The following PKD1L3 variants were observed in gnomAD, a reference collection of about 807,000 sequenced individuals.
PKD1L3 encodes polycystin 1 like 3, transient receptor potential channel interacting, also known as polycystin-1-like protein 3.
A neutral mutation model predicts 184.1 loss-of-function variants in PKD1L3; 239 were observed. The ratio of observed to expected loss-of-function variants is 1.30; its 90% CI spans 1.17 to 1.45. The LOEUF (loss-of-function observed/expected upper bound fraction) is 1.45, where lower values mean the gene tolerates loss of function less well. PKD1L3 is among the 40% of genes most tolerant of loss of function. The pLI, the probability that PKD1L3 is intolerant of heterozygous loss-of-function variation, is 0.00. For synonymous variants in PKD1L3, 996 were observed against 778.8 expected (o/e 1.28, Z -4.64); for missense variants, 2,660 against 2,067.2 (o/e 1.29, Z -5.56).
intron 9 of PKD1L3, 147 bp downstream of exon 9, chr16:71,979,639 G>A: frequency 1.0e-6 from 1 of 967,662 alleles, no homozygotes; most frequent in Non-Finnish European, 1.4e-6. Context: ...ATCCCTGCCA[G>A]TGTAAAATAA....
intron 24 of PKD1L3, among the ~76,000 whole-genome samples, chr16:71,938,041 C>G (rs776970317): frequency 1.1e-4 from 17 of 152,202 alleles, no homozygotes; most frequent in Non-Finnish European, 2.2e-4. Flanking sequence ...GCCCTGCCCC[C>G]TTCTGAGTTG....
At chr16:71,950,850 A>C (rs1435347217) in intron 19 of PKD1L3, among the ~76,000 whole-genome samples, 3 of 150,126 alleles carry the variant, frequency 2.0e-5, no homozygotes, top group African/African-American at 7.4e-5. Context: ...CTCCTGCCTC[A>C]GCCTCTCTAG....
chr16:71,990,436 T>C, intron 3 of PKD1L3, 107 bp from the exon 4 acceptor site: 1 of 997,530 alleles, frequency 1.0e-6, no homozygotes, highest in Non-Finnish European at 1.5e-6. Flanking sequence ...CAAATTGTTT[T>C]ACATAGAAAA....
At chr16:71,960,377 G>A (rs1371208992) in intron 16 of PKD1L3, among the ~76,000 whole-genome samples, 2 of 152,082 alleles carry the variant, frequency 1.3e-5, no homozygotes, top group Non-Finnish European at 2.9e-5. Flanking sequence ...CCAGTTATAT[G>A]TTGCTTGCAA....
intron 19 of PKD1L3, 101 bp downstream of exon 19, chr16:71,951,463 T>C: frequency 8.3e-7 from 1 of 1,206,216 alleles, no homozygotes; most frequent in Non-Finnish European, 1.1e-6. Flanking sequence ...ACCAGAAGGT[T>C]GTATCAGGCC....
rs1403469133 is a variant in PKD1L3, at chr16:71,949,862, C to A, written c.3539G>T (p.Ser1180Ile). The A allele has an allele frequency of 2.6e-6, 4 of 1,551,436 alleles. No homozygotes were observed. The African/African-American group carries it at 5.5e-5, about 21-fold the overall frequency. ...CATCCAGCTGGTGGCTTGGTCTTTGCTCAATTCCAAGCTATAAAGTGCTGT... is the reference window on the plus strand; with the variant it reads ...CATCCAGCTGGTGGCTTGGTCTTTGATCAATTCCAAGCTATAAAGTGCTGT... The part of the protein sequence containing the change: ...FFTALYSLEL[S>I]KDQATSWMIS... Residue 1180 changes from serine to isoleucine, a missense_variant, in exon 21 of 30, where the codon AGC becomes ATC. Coordinates refer to ENST00000620267, the MANE Select transcript of PKD1L3 (RefSeq NM_181536.2).
intron 19 of PKD1L3, 66 bp downstream of exon 19, chr16:71,951,497 AG>A: frequency 7.0e-7 from 1 of 1,437,060 alleles, no homozygotes; most frequent in Non-Finnish European, 9.3e-7. Flanking sequence ...TGAGTAAGAA[AG>A]TAAGACATAT....
intron 16 of PKD1L3, among the ~76,000 whole-genome samples, chr16:71,960,238 G>C (rs954370266): frequency 3.3e-5 from 5 of 150,934 alleles, no homozygotes; most frequent in African/African-American, 1.2e-4. Flanking sequence ...AAAGGAAAGA[G>C]AATGGATTAT....
intron 9 of PKD1L3, 36 bp downstream of exon 9, chr16:71,979,750 C>T: frequency 6.8e-7 from 1 of 1,467,542 alleles, no homozygotes; most frequent in Non-Finnish European, 9.0e-7. Context: ...CATCAGATCC[C>T]ATTTTCATTC....
rs1341675023 is a variant in PKD1L3 at position 71,954,449 on chromosome 16, T to C, written c.2613-148A>G. 5.5e-6 allele frequency: 3 copies of C among 546,064 alleles called. 1 individual carries two copies. The highest frequency in any genetic ancestry group is 9.5e-4 in the Middle Eastern group (2 of 2,116). The allele number at this position is 546,064 out of a possible 1,614,324, so 33.8% of individuals were successfully genotyped here. On this transcript the variant is annotated intron_variant, in intron 16 of 29. Transcript: ENST00000620267. ...GTGAATAAGCTTTCAGATATTTTAA[T>C]TCTTTTTTTATTTTAAATTCTTTTA...
intron 4 of PKD1L3, among the ~76,000 whole-genome samples, chr16:71,988,219 G>T (rs1234446791): frequency 6.6e-6 from 1 of 151,840 alleles, no homozygotes; most frequent in Non-Finnish European, 1.5e-5. Flanking sequence ...TTTTGAAATC[G>T]TGTCTCCTTC....
intron 1 of PKD1L3, 72 bp from the exon 2 acceptor site, chr16:71,998,466 T>C (rs1378893552): frequency 6.7e-7 from 1 of 1,497,140 alleles, no homozygotes; most frequent in Non-Finnish European, 8.9e-7. Context: ...TTTATTATTG[T>C]TTTTGAGACA....
intron 3 of PKD1L3, among the ~76,000 whole-genome samples, chr16:71,991,459 A>C (rs1291227416): frequency 2.0e-5 from 3 of 151,964 alleles, no homozygotes; most frequent in Non-Finnish European, 2.9e-5. Context: ...TCAAGATGAC[A>C]AAAAAAATAC....
In PKD1L3 at chr16:71,982,060, GGCTCAGTATGAC is replaced by G; in HGVS notation, c.1130_1141del (p.Arg377_Glu380del). On this transcript the variant is annotated inframe_deletion and splice_region_variant, in exon 7 of 30. Coordinates refer to ENST00000620267, the MANE Select transcript of PKD1L3 (RefSeq NM_181536.2). ...GCCACCTGCATATCTGGCACCTACC[GGCTCAGTATGAC>G]GCTTGGATTCCAGCCAACTTCCTTC... 3 of 1,541,984 alleles carry G rather than the reference GGCTCAGTATGAC, an allele frequency of 1.9e-6. No homozygotes were observed. The highest frequency in any genetic ancestry group is 2.6e-6 in the Non-Finnish European group (3 of 1,143,338).
At chr16:71,969,818 T>A (rs1238310838) in intron 13 of PKD1L3, 57 bp downstream of exon 13, 2 of 1,444,826 alleles carry the variant, frequency 1.4e-6, no homozygotes, top group African/African-American at 2.9e-5. Flanking sequence ...TTTTCCTTCA[T>A]CTTATTTAAT....
chr16:71,973,636 C>G, intron 11 of PKD1L3, 119 bp from the exon 12 acceptor site: 2 of 948,734 alleles, frequency 2.1e-6, no homozygotes, highest in Non-Finnish European at 3.1e-6. Flanking sequence ...AAACTAGAGT[C>G]ACAAATGATT....
In PKD1L3 at chr16:71,977,225, T is replaced by G; in HGVS notation, c.1759+11A>C. 5 of 1,489,732 alleles carry G rather than the reference T, an allele frequency of 3.4e-6. No homozygotes were observed. The highest frequency in any genetic ancestry group is 4.6e-6 in the Non-Finnish European group (5 of 1,090,856). 92.3% of individuals were successfully genotyped at this position (1,489,732 alleles called of 1,614,324 possible). A position where few individuals can be genotyped will look rare whatever the true frequency, so the allele number is the denominator to read the frequency against. The stretch of plus-strand genomic sequence containing the variant: ...ATCAAAGTAAGTTTCTGACAGCTGA[T>G]TGGGTTTTACCTTTTTGCCACACCT... On this transcript the variant is annotated intron_variant, in intron 11 of 29. Transcript: ENST00000620267.
At chr16:71,992,233 G>A (rs1219541040) in intron 3 of PKD1L3, among the ~76,000 whole-genome samples, 1 of 152,174 alleles carries the variant, frequency 6.6e-6, no homozygotes, top group Non-Finnish European at 1.5e-5. Context: ...TGCTTGTTAG[G>A]TAAATTGCCC....
chr16:71,983,699 C>G (rs1209551791), intron 6 of PKD1L3, among the ~76,000 whole-genome samples: 2 of 103,188 alleles, frequency 1.9e-5, no homozygotes, highest in African/African-American at 7.5e-5. Flanking sequence ...GACACAGTCT[C>G]TCAGCCACCC....
Sources: allele counts gnomAD v4.1 joint callset (sites outside exome capture counted in the v4.1 genomes callset), GRCh38; gene constraint gnomAD v4.1.1; transcripts MANE v1.5; gene names NCBI Gene and HGNC (gene_info 2026-07-23, HGNC 2026-07-21).